ATRX: variants seen among roughly 807,000 people sequenced by gnomAD.
The protein encoded by ATRX is chromatin remodeler ATRX.
A neutral mutation model predicts 172.6 loss-of-function variants in ATRX; 12 were observed. The observed-to-expected ratio is 0.07, with a 90% CI of 0.04 to 0.11. ATRX has a LOEUF of 0.11. ATRX is among the 10% of genes least tolerant of loss of function. The pLI, the probability that ATRX is intolerant of heterozygous loss-of-function variation, is 1.00. For synonymous variants in ATRX, 674 were observed against 594.7 expected, an observed-to-expected ratio of 1.13 and a Z score of -1.94; for missense variants, 1,368 against 1,767.4, an observed-to-expected ratio of 0.77 and a Z score of 4.05.
chrX:77,730,139 G>A (rs968988743), intron 1 of ATRX, among the ~76,000 whole-genome samples: 35 of 111,507 alleles, frequency 3.1e-4, no homozygotes, highest in African/African-American at 9.4e-4. Flanking sequence ...ACAGAATTAC[G>A]AGAAATCTTT....
At chrX:77,762,855 T>TAAA (rs2075770227) in intron 1 of ATRX, among the ~76,000 whole-genome samples, 1 of 111,487 alleles carries the variant, frequency 9.0e-6, no homozygotes, top group Non-Finnish European at 1.9e-5. Flanking sequence ...TAAACTTTAA[T>TAAA]GTGAGGATAA....
intron 22 of ATRX, among the ~76,000 whole-genome samples, chrX:77,610,323 C>T (rs1557093272): frequency 3.6e-5 from 4 of 111,833 alleles, no homozygotes; most frequent in Non-Finnish European, 7.5e-5. Context: ...AGGAGAAAGC[C>T]ATTGAGTTTT....
chrX:77,627,428 G>A (rs918522441), intron 19 of ATRX, among the ~76,000 whole-genome samples: 2 of 110,210 alleles, frequency 1.8e-5, no homozygotes, highest in Admixed American at 9.6e-5. Context: ...TTTAATGTTC[G>A]AAAGGAGTAA....
chrX:77,554,842 C>T (rs1557058148), intron 30 of ATRX, among the ~76,000 whole-genome samples: 1 of 112,398 alleles, frequency 8.9e-6, no homozygotes, highest in East Asian at 2.8e-4. Context: ...GGATTATCAG[C>T]TCCTTCAGGT....
intron 1 of ATRX, among the ~76,000 whole-genome samples, chrX:77,744,415 A>C: frequency 8.9e-6 from 1 of 112,296 alleles, no homozygotes; most frequent in Middle Eastern, 4.6e-3. Context: ...CCATGAAAGT[A>C]AATTCAAAGA....
chrX:77,723,325 G>C (rs1445376403), intron 1 of ATRX, among the ~76,000 whole-genome samples: 1 of 111,485 alleles, frequency 9.0e-6, no homozygotes, highest in Admixed American at 9.6e-5. Flanking sequence ...TCTACTTCTA[G>C]ATATACACAT....
At chrX:77,763,502 G>T (rs1269778198) in intron 1 of ATRX, among the ~76,000 whole-genome samples, 3 of 97,633 alleles carry the variant, frequency 3.1e-5, no homozygotes, top group Non-Finnish European at 6.1e-5. Context: ...AATGAGTCTT[G>T]CTCTGTCACC....
intron 26 of ATRX, among the ~76,000 whole-genome samples, chrX:77,591,614 T>C (rs999285183): frequency 1.8e-5 from 2 of 111,648 alleles, no homozygotes; most frequent in African/African-American, 6.5e-5. Flanking sequence ...CTCCACACTG[T>C]TGGAGTCTAC....
chrX:77,634,365 T>C (rs953163531), intron 17 of ATRX: 5 of 337,328 alleles, frequency 1.5e-5, no homozygotes, highest in Non-Finnish European at 2.6e-5. Flanking sequence ...AAAGATGCCT[T>C]TCCTAACTCA....
intron 22 of ATRX, among the ~76,000 whole-genome samples, chrX:77,608,177 C>A (rs782642586): frequency 9.2e-6 from 1 of 108,699 alleles, no homozygotes; most frequent in Non-Finnish European, 1.9e-5. Context: ...GTCAGGAGAT[C>A]GAGACCACAG....
intron 22 of ATRX, among the ~76,000 whole-genome samples, chrX:77,608,491 G>T (rs1485150122): frequency 9.0e-6 from 1 of 111,445 alleles, no homozygotes; most frequent in Non-Finnish European, 1.9e-5. Flanking sequence ...CTGGGGAAAG[G>T]ATAGTCTCTT....
chrX:77,516,647 C>T (rs782343847), intron 34 of ATRX, among the ~76,000 whole-genome samples: 3 of 111,330 alleles, frequency 2.7e-5, no homozygotes, highest in Non-Finnish European at 3.8e-5. Flanking sequence ...CTGGAGACTT[C>T]GACACCTCAA....
intron 1 of ATRX, among the ~76,000 whole-genome samples, chrX:77,777,950 A>G (rs1301725576): frequency 3.7e-5 from 4 of 109,095 alleles, no homozygotes; most frequent in Non-Finnish European, 5.7e-5. Flanking sequence ...AGCCTGGCCA[A>G]TATGGTGACA....
intron 30 of ATRX, among the ~76,000 whole-genome samples, chrX:77,551,255 T>C (rs2064497650): frequency 8.9e-6 from 1 of 111,751 alleles, no homozygotes; most frequent in South Asian, 3.8e-4. Flanking sequence ...ATGGTACTGG[T>C]ACCAAAACAG....
intron 1 of ATRX, among the ~76,000 whole-genome samples, chrX:77,781,299 G>A (rs1314848341): frequency 5.5e-5 from 6 of 109,586 alleles, no homozygotes; most frequent in South Asian, 4.0e-4. Context: ...ACAATTAGCC[G>A]CACATGGTGG....
chrX:77,629,967 CGCGCGCACACACACGCGTGA>C (rs2068038988), intron 19 of ATRX, among the ~76,000 whole-genome samples: 1 of 112,207 alleles, frequency 8.9e-6, no homozygotes, highest in Admixed American at 9.4e-5. Context: ...CGCGTGCGTG[CGCGCGCACACACACGCGTGA>C]GCGCACACAT....
chrX:77,554,129 A>G (rs1781346179), intron 30 of ATRX, among the ~76,000 whole-genome samples: 2 of 110,491 alleles, frequency 1.8e-5, no homozygotes, highest in Non-Finnish European at 3.8e-5. Flanking sequence ...ACATGGTGAA[A>G]CCCCATCTCT....
intron 1 of ATRX, among the ~76,000 whole-genome samples, chrX:77,755,969 T>C (rs782162687): frequency 1.2e-4 from 13 of 112,544 alleles, no homozygotes; most frequent in Admixed American, 1.1e-3. Flanking sequence ...TCCCACAGGT[T>C]ATCTGTCCCA....
chrX:77,643,929 T>TA (rs1305517218), intron 15 of ATRX, among the ~76,000 whole-genome samples: 37 of 101,872 alleles, frequency 3.6e-4, no homozygotes, highest in South Asian at 1.7e-3. Flanking sequence ...GAGCAGGCAT[T>TA]AAAAAAAAAA....
Sources: allele counts gnomAD v4.1 joint callset (sites outside exome capture counted in the v4.1 genomes callset), GRCh38; gene constraint gnomAD v4.1.1; transcripts MANE v1.5; gene names NCBI Gene and HGNC (gene_info 2026-07-23, HGNC 2026-07-21).